PCBP3: variants seen among roughly 807,000 people sequenced by gnomAD.
PCBP3 encodes the protein poly(rC)-binding protein 3.
Under a neutral mutation model 52.7 loss-of-function variants are expected in PCBP3, and 25 were observed. That is an observed-to-expected ratio of 0.47 (90% CI 0.35 to 0.66). The LOEUF (loss-of-function observed/expected upper bound fraction) is 0.66. PCBP3 is among the 30% of genes least tolerant of loss of function. The probability of loss-of-function intolerance (pLI) is 0.01; values close to 1 mark genes in which losing one functional copy is unlikely to be tolerated. For synonymous variants in PCBP3, 162 were observed against 183.0 expected (o/e 0.89, Z 0.93); for missense variants, 391 against 490.3 (o/e 0.80, Z 1.91).
intron 4 of PCBP3, among the ~76,000 whole-genome samples, chr21:45,766,833 G>A (rs1431617474): frequency 6.6e-6 from 1 of 152,130 alleles, no homozygotes; most frequent in Non-Finnish European, 1.5e-5. Flanking sequence ...GTTAACTTGT[G>A]CATTATTTAG....
intron 2 of PCBP3, among the ~76,000 whole-genome samples, chr21:45,719,758 C>T (rs2084490740): frequency 6.6e-6 from 1 of 152,040 alleles, no homozygotes; most frequent in South Asian, 2.1e-4. Context: ...TATAAATTAC[C>T]CAGTCTCAGG....
Position 45,692,396 on chromosome 21 carries a change from TA to T in PCBP3, c.-200+23455del, listed in dbSNP as rs148364663. ...GAGCTCATAGCTAGAATGATCAAGA[TA>T]AAAAAAAAAAGAAGGCACAAAACAT... On this transcript the variant is annotated intron_variant, in intron 2 of 17. Transcript: ENST00000681687. Among the ~76,000 whole-genome samples the T allele has an allele frequency of 8.1e-3, 1,035 of 128,432 alleles. 16 individuals carry two copies. Among genetic ancestry groups the T allele is most frequent in the African/African-American group, 0.026 (916 of 35,052 alleles). 84.3% of individuals were successfully genotyped at this position (128,432 alleles called of 152,430 possible). A position where few individuals can be genotyped will look rare whatever the true frequency, so the allele number is the denominator to read the frequency against.
chr21:45,664,610 TTTTTTC>T (rs918776548), intron 1 of PCBP3, among the ~76,000 whole-genome samples: 14 of 144,578 alleles, frequency 9.7e-5, no homozygotes, highest in African/African-American at 2.8e-4. Flanking sequence ...TTTTAATTTT[TTTTTTC>T]TTTTCTTTTT....
intron 4 of PCBP3, among the ~76,000 whole-genome samples, chr21:45,834,279 T>C (rs558825803): frequency 6.6e-6 from 1 of 152,370 alleles, no homozygotes; most frequent in Non-Finnish European, 1.5e-5. Context: ...TGTCGTGTCC[T>C]GTCACCAGCC....
In PCBP3 at chr21:45,833,159, C is replaced by T. The variant is rs1350424244; in HGVS notation, c.-125-16802C>T. Among the ~76,000 whole-genome samples, 7 of 152,336 alleles carry T rather than the reference C, an allele frequency of 4.6e-5. 1 individual carries two copies. The South Asian group carries it at 1.0e-3, about 23-fold the overall frequency. ...CACCCCCATCCAGCAGACGGAGACA[C>T]GGCCTCAGGCCATGGGCAGGCAGGA... On this transcript the variant is annotated intron_variant, in intron 4 of 17. Coordinates refer to ENST00000681687, the MANE Select transcript of PCBP3 (RefSeq NM_001384156.1).
intron 5 of PCBP3, chr21:45,872,981 G>A (rs922219078): frequency 6.6e-6 from 1 of 152,186 alleles, no homozygotes; most frequent in African/African-American, 2.4e-5. Context: ...GGTAGAAGCT[G>A]GAATTGCTGG....
Position 45,772,665 on chromosome 21 carries a change from C to T in PCBP3, c.-126+17213C>T, listed in dbSNP as rs75304650. ...TACTGTTTTCCATAGTGGCTGTACTCGTTTACATTCCCACCAATGATATAT... is the reference window on the plus strand; with the variant it reads ...TACTGTTTTCCATAGTGGCTGTACTTGTTTACATTCCCACCAATGATATAT... On this transcript the variant is annotated intron_variant, in intron 4 of 17. Coordinates refer to ENST00000681687, the MANE Select transcript of PCBP3 (RefSeq NM_001384156.1). Among the ~76,000 whole-genome samples, 54 of 152,114 alleles carry T rather than the reference C, an allele frequency of 3.5e-4. No homozygotes were observed. In the East Asian group the frequency reaches 0.01, roughly 29 times the overall value.
At chr21:45,922,167 A>T (rs1259945625) in intron 13 of PCBP3, among the ~76,000 whole-genome samples, 1 of 151,632 alleles carries the variant, frequency 6.6e-6, no homozygotes, top group Non-Finnish European at 1.5e-5. Context: ...AGACTGCTTG[A>T]CTCTCACCCA....
intron 11 of PCBP3, chr21:45,911,305 G>T: frequency 2.3e-6 from 1 of 436,558 alleles, no homozygotes; most frequent in Non-Finnish European, 4.3e-6. Context: ...TCGGATTTGG[G>T]TAAGAAGTTG....
intron 1 of PCBP3, 148 bp downstream of exon 1, chr21:45,644,016 C>G (rs1279971961): frequency 6.7e-6 from 1 of 149,098 alleles, no homozygotes; most frequent in Admixed American, 6.7e-5. Context: ...CGGGCTGGGT[C>G]GCGCCGTCCC....
chr21:45,929,900 T>C lies in PCBP3; in HGVS notation c.718-17T>C. 6.2e-7 allele frequency: 1 copy of C among 1,604,018 alleles called. No individual in the cohort carries two copies. Among genetic ancestry groups the C allele is most frequent in the Non-Finnish European group, 8.5e-7 (1 of 1,171,058 alleles). ...ATGACAATAACCTTCTTAGCTCTCG[T>C]GTCCCTCCTACCCCAGCAGTTGACC... On this transcript the variant is annotated splice_polypyrimidine_tract_variant and intron_variant, in intron 13 of 17. Coordinates refer to ENST00000681687, the MANE Select transcript of PCBP3 (RefSeq NM_001384156.1).
chr21:45,751,434 C>T lies in PCBP3; in HGVS notation c.-161-3983C>T, dbSNP rs922586234. On this transcript the variant is annotated intron_variant, in intron 3 of 17. Transcript: ENST00000681687. ...AGTGCCGTGCCACCATCTACATCTC[C>T]CTTTTTGTACTTTGTGTTTTCTATT... 9 of 152,166 alleles carry T rather than the reference C, an allele frequency of 5.9e-5. 1 individual carries two copies. The highest frequency in any genetic ancestry group is 4.6e-4 in the Admixed American group (7 of 15,268). The allele number at this position is 152,166 out of a possible 1,614,324, so 9.4% of individuals were successfully genotyped here.
At chr21:45,773,784 A>G (rs958397805) in intron 4 of PCBP3, among the ~76,000 whole-genome samples, 22 of 152,134 alleles carry the variant, frequency 1.4e-4, no homozygotes, top group African/African-American at 4.6e-4. Context: ...TGAGGTTGGT[A>G]TTTTGATAGG....
intron 4 of PCBP3, among the ~76,000 whole-genome samples, chr21:45,825,271 C>T (rs1437905028): frequency 2.0e-5 from 3 of 152,200 alleles, no homozygotes; most frequent in Non-Finnish European, 4.4e-5. Flanking sequence ...ACATTCTCAG[C>T]GCCTTCCTGG....
intron 5 of PCBP3, among the ~76,000 whole-genome samples, chr21:45,884,498 CAT>C (rs1216759910): frequency 1.3e-5 from 2 of 152,110 alleles, no homozygotes; most frequent in Non-Finnish European, 2.9e-5. Context: ...TATACATACA[CAT>C]ATATAACATA....
chr21:45,758,695 T>A (rs965028589), intron 4 of PCBP3, among the ~76,000 whole-genome samples: 1 of 152,196 alleles, frequency 6.6e-6, no homozygotes, highest in Admixed American at 6.5e-5. Context: ...TAGCTCTAAT[T>A]ATTTTTTTAC....
At chr21:45,662,290 T>C (rs973540574) in intron 1 of PCBP3, among the ~76,000 whole-genome samples, 2 of 131,504 alleles carry the variant, frequency 1.5e-5, no homozygotes, top group East Asian at 2.4e-4. Flanking sequence ...TTTTTTTTTT[T>C]TTTTTTTTTT....
At chr21:45,799,993 C>A (rs889115141) in intron 4 of PCBP3, among the ~76,000 whole-genome samples, 1 of 152,168 alleles carries the variant, frequency 6.6e-6, no homozygotes, top group Non-Finnish European at 1.5e-5. Flanking sequence ...GGACAGCTGT[C>A]GGGGAGGGTC....
chr21:45,678,402 G>A (rs954613671), intron 2 of PCBP3, among the ~76,000 whole-genome samples: 1 of 152,070 alleles, frequency 6.6e-6, no homozygotes, highest in Non-Finnish European at 1.5e-5. Flanking sequence ...TCTGGGCAAA[G>A]TAAATTGAAA....
Sources: gnomAD v4.1 joint callset for allele counts (sites outside exome capture counted in the v4.1 genomes callset) on GRCh38, gnomAD v4.1.1 for gene constraint, MANE v1.5 for transcripts, NCBI Gene and HGNC (gene_info 2026-07-23, HGNC 2026-07-21) for gene names.